CAMLG: variants seen among roughly 807,000 people sequenced by gnomAD.
CAMLG encodes guided entry of tail-anchored proteins factor CAMLG.
CAMLG carries 23 observed loss-of-function variants against 28.9 expected under a neutral mutation model. The ratio of observed to expected loss-of-function variants is 0.80; its 90% CI spans 0.57 to 1.13. The LOEUF is 1.13. Among genes scored for constraint, CAMLG ranks in the 50% most tolerant of loss-of-function variants. The pLI is 0.00. For synonymous variants in CAMLG, 141 were observed against 146.5 expected (o/e 0.96, Z 0.27); for missense variants, 367 against 371.9 (o/e 0.99, Z 0.11).
At chr5:134,741,996 T>A (rs1752992015) in intron 2 of CAMLG, among the ~76,000 whole-genome samples, 1 of 152,070 alleles carries the variant, frequency 6.6e-6, no homozygotes, top group East Asian at 1.9e-4. Flanking sequence ...AATACAACAA[T>A]AACAAATAGT....
chr5:134,746,084 G>T (rs1753044508), intron 3 of CAMLG, among the ~76,000 whole-genome samples: 1 of 144,426 alleles, frequency 6.9e-6, no homozygotes, highest in Admixed American at 7.3e-5. Flanking sequence ...GTTGTGGTGA[G>T]CCGAGATCGC....
chr5:134,739,194 C>G (rs1353462848), intron 1 of CAMLG, among the ~76,000 whole-genome samples: 1 of 152,208 alleles, frequency 6.6e-6, no homozygotes, highest in Non-Finnish European at 1.5e-5. Context: ...CTTTTCCTTA[C>G]AGTGCCTTCT....
At chr5:134,739,537 G>T (rs1406733556) in intron 1 of CAMLG, among the ~76,000 whole-genome samples, 1 of 152,114 alleles carries the variant, frequency 6.6e-6, no homozygotes. Context: ...CATGTCCAAT[G>T]ATTTTCTTTA....
At chr5:134,746,521 G>A (rs532036143) in intron 3 of CAMLG, among the ~76,000 whole-genome samples, 1 of 151,864 alleles carries the variant, frequency 6.6e-6, no homozygotes, top group Non-Finnish European at 1.5e-5. Flanking sequence ...TCACTCTGTC[G>A]CCCAGGCTGA....
intron 1 of CAMLG, among the ~76,000 whole-genome samples, chr5:134,739,439 G>C (rs1752957759): frequency 1.3e-5 from 2 of 152,154 alleles, no homozygotes; most frequent in African/African-American, 2.4e-5. Flanking sequence ...GCACACCTGA[G>C]AGTTTCCTCT....
intron 1 of CAMLG, among the ~76,000 whole-genome samples, chr5:134,739,043 C>T (rs1242051455): frequency 3.9e-5 from 6 of 152,132 alleles, no homozygotes; most frequent in South Asian, 2.1e-4. Flanking sequence ...AGCTCTCACT[C>T]CCTCTTCCCA....
intron 3 of CAMLG, among the ~76,000 whole-genome samples, 184 bp downstream of exon 3, chr5:134,744,236 G>A (rs1373470063): frequency 6.6e-6 from 1 of 152,092 alleles, no homozygotes; most frequent in African/African-American, 2.4e-5. Context: ...CAAAAAATGA[G>A]TAATTGGCCG....
chr5:134,746,959 C>T (rs1185436456), intron 3 of CAMLG, among the ~76,000 whole-genome samples: 2 of 152,032 alleles, frequency 1.3e-5, no homozygotes, highest in Non-Finnish European at 2.9e-5. Context: ...ATGGTGGGTA[C>T]AGACCTGTAA....
intron 3 of CAMLG, among the ~76,000 whole-genome samples, chr5:134,745,110 A>G (rs1753030216): frequency 1.3e-5 from 2 of 152,254 alleles, no homozygotes; most frequent in Admixed American, 1.3e-4. Flanking sequence ...AAGAGTAAAT[A>G]ACATTGTAAT....
chr5:134,738,660 C>T lies in CAMLG; in HGVS notation c.40C>T (p.Pro14Ser). ...CGTCGCTACCGACGGCGGGGAGAGGCCGGGGGTCCCAGCGGGCTCAGGTCT... is the reference window on the plus strand; with the variant it reads ...CGTCGCTACCGACGGCGGGGAGAGGTCGGGGGTCCCAGCGGGCTCAGGTCT... ...MAVATDGGERPGVPAGSGLSA... is the reference protein window; with the variant it reads ...MAVATDGGERSGVPAGSGLSA... The change falls in exon 1 of 4, where the codon CCG (proline) becomes TCG (serine). Residue 14 changes from proline (P) to serine (S), a missense_variant. Transcript: ENST00000297156. The T allele has an allele frequency of 3.7e-6, 6 of 1,613,126 alleles. No individual in the cohort carries two copies. The highest frequency in any genetic ancestry group is 5.1e-6 in the Non-Finnish European group (6 of 1,179,680).
intron 1 of CAMLG, among the ~76,000 whole-genome samples, chr5:134,740,127 C>T (rs1171888096): frequency 1.3e-5 from 2 of 152,116 alleles, no homozygotes; most frequent in Non-Finnish European, 2.9e-5. Flanking sequence ...TCAAGTGATC[C>T]ACCAGCCTTG....
chr5:134,747,524 T>C (rs1753063787), intron 3 of CAMLG, among the ~76,000 whole-genome samples: 1 of 152,048 alleles, frequency 6.6e-6, no homozygotes, highest in African/African-American at 2.4e-5. Context: ...TTTTTTGTAT[T>C]TTTAGTAGAG....
At chr5:134,742,864 G>C (rs953626819) in intron 2 of CAMLG, among the ~76,000 whole-genome samples, 6 of 151,722 alleles carry the variant, frequency 4.0e-5, no homozygotes, top group African/African-American at 1.5e-4. Context: ...TTAGCCTCCC[G>C]AGTAGCTGGG....
intron 3 of CAMLG, among the ~76,000 whole-genome samples, chr5:134,747,177 T>C (rs1753058599): frequency 1.3e-5 from 2 of 152,020 alleles, no homozygotes; most frequent in African/African-American, 4.8e-5. Flanking sequence ...TAACATCTTA[T>C]TATATTATGT....
At chr5:134,749,775 G>A (rs575495716) in intron 3 of CAMLG, among the ~76,000 whole-genome samples, 1 of 152,302 alleles carries the variant, frequency 6.6e-6, no homozygotes, top group South Asian at 2.1e-4. Context: ...CTGGAGTGCG[G>A]TGGTGCAGTC....
intron 2 of CAMLG, among the ~76,000 whole-genome samples, 195 bp downstream of exon 2, chr5:134,741,718 A>G (rs1014880927): frequency 5.3e-5 from 8 of 152,204 alleles, no homozygotes; most frequent in Non-Finnish European, 5.9e-5. Context: ...AGAGCCTAAT[A>G]ATTACTGTTG....
At chr5:134,746,258 A>T (rs907670594) in intron 3 of CAMLG, among the ~76,000 whole-genome samples, 1 of 152,152 alleles carries the variant, frequency 6.6e-6, no homozygotes, top group African/African-American at 2.4e-5. Flanking sequence ...TTCAGAATAG[A>T]ATCTATAGAA....
rs538406193 is a variant in CAMLG at position 134,751,089 on chromosome 5, A to G, written c.*139A>G. The G allele has an allele frequency of 6.9e-6, 4 of 576,686 alleles. No homozygotes were observed. Among genetic ancestry groups the G allele is most frequent in the Non-Finnish European group, 1.2e-5 (4 of 330,830 alleles). 35.7% of individuals were successfully genotyped at this position (576,686 alleles called of 1,614,324 possible). ...AGGGGTTGTAAAGCTACTTTATTAG[A>G]TATAGAATGGCAGATTCTCTGATTT... is the stretch of plus-strand genomic sequence containing the variant. On this transcript the variant is annotated 3_prime_UTR_variant, in exon 4 of 4. Transcript: ENST00000297156.
At position 134,741,523 on chromosome 5, in the gene CAMLG, G is replaced by C; in HGVS notation, c.633G>C (p.Leu211Phe). 4 of 1,568,636 alleles carry C rather than the reference G, an allele frequency of 2.5e-6. No individual in the cohort carries two copies. Among genetic ancestry groups the C allele is most frequent in the Non-Finnish European group, 3.5e-6 (4 of 1,146,152 alleles). ...TCAGAGCTTTTGTTTGCAAATACTT[G>C]GTAAGAAAAGATCTGTAAATTATTA... ...LGVRAFVCKY[L>F]SIFAPFLTLQ... The change falls in exon 2 of 4, where the codon TTG (leucine) becomes TTC (phenylalanine). Residue 211 changes from leucine to phenylalanine, a missense_variant and splice_region_variant. By Grantham distance (22) the Leu-to-Phe change is conservative. Coordinates refer to ENST00000297156, the MANE Select transcript of CAMLG (RefSeq NM_001745.4).
Sources: allele counts gnomAD v4.1 joint callset (sites outside exome capture counted in the v4.1 genomes callset), GRCh38; gene constraint gnomAD v4.1.1; transcripts MANE v1.5; gene names NCBI Gene and HGNC (gene_info 2026-07-23, HGNC 2026-07-21).